DLG2: variants seen among roughly 807,000 people sequenced by gnomAD.
The protein encoded by DLG2 is discs large MAGUK scaffold protein 2, also known as disks large homolog 2.
DLG2 carries 45 observed loss-of-function variants against 132.5 expected under a neutral mutation model. That is an observed-to-expected ratio of 0.34 (90% CI 0.27 to 0.44). The LOEUF is 0.44. Among genes scored for constraint, DLG2 ranks in the 20% least tolerant of loss-of-function variants. The pLI is 1.00. For missense variants in DLG2, 1,045 were observed against 1,196.9 expected (o/e 0.87, Z 1.87); for synonymous variants, 424 against 419.6 (o/e 1.01, Z -0.13).
intron 3 of DLG2, among the ~76,000 whole-genome samples, chr11:85,422,602 T>C (rs2090408376): frequency 6.6e-6 from 1 of 152,116 alleles, no homozygotes; most frequent in African/African-American, 2.4e-5. Context: ...ATGATTCTCT[T>C]GCCTCAGCCT....
At chr11:84,187,879 A>T (rs1463845709) in intron 8 of DLG2, among the ~76,000 whole-genome samples, 1 of 152,102 alleles carries the variant, frequency 6.6e-6, no homozygotes, top group African/African-American at 2.4e-5. Flanking sequence ...GCTCAGCATA[A>T]GGGAAATTAC....
At chr11:85,378,939 G>C (rs867480084) in intron 3 of DLG2, among the ~76,000 whole-genome samples, 3 of 151,940 alleles carry the variant, frequency 2.0e-5, no homozygotes, top group Middle Eastern at 3.2e-3. Flanking sequence ...TTCAAGTTAC[G>C]AGCTCTAATT....
intron 6 of DLG2, among the ~76,000 whole-genome samples, chr11:85,039,628 T>C (rs1320692161): frequency 6.6e-6 from 1 of 151,904 alleles, no homozygotes; most frequent in Non-Finnish European, 1.5e-5. Flanking sequence ...ACTATATTAA[T>C]GTTAACCATG....
At chr11:84,434,313 C>G (rs1279662714) in intron 7 of DLG2, among the ~76,000 whole-genome samples, 1 of 152,020 alleles carries the variant, frequency 6.6e-6, no homozygotes, top group Admixed American at 6.6e-5. Context: ...AACATTATCA[C>G]TTTGAAATTC....
At chr11:84,097,778 C>T (rs1431131537) in intron 10 of DLG2, among the ~76,000 whole-genome samples, 2 of 152,148 alleles carry the variant, frequency 1.3e-5, no homozygotes, top group Admixed American at 1.3e-4. Flanking sequence ...GGATTTACAA[C>T]CTAGCAGGGG....
chr11:84,408,565 TG>T (rs1330118644), intron 7 of DLG2, among the ~76,000 whole-genome samples: 3 of 152,268 alleles, frequency 2.0e-5, no homozygotes, highest in African/African-American at 7.2e-5. Flanking sequence ...GTTATGGCTA[TG>T]TGCACAAATA....
chr11:84,777,491 T>C (rs548999505), intron 6 of DLG2, among the ~76,000 whole-genome samples: 1 of 151,300 alleles, frequency 6.6e-6, no homozygotes, highest in Non-Finnish European at 1.5e-5. Context: ...TATCTAATAG[T>C]AGCTGTTTTT....
intron 4 of DLG2, among the ~76,000 whole-genome samples, chr11:85,166,805 G>T (rs1009321523): frequency 1.3e-5 from 2 of 152,076 alleles, no homozygotes; most frequent in African/African-American, 4.8e-5. Context: ...GTTTAATTAT[G>T]CAGTGTTTAT....
At chr11:85,607,366 A>G (rs768391939) in intron 2 of DLG2, among the ~76,000 whole-genome samples, 2 of 152,208 alleles carry the variant, frequency 1.3e-5, no homozygotes, top group Non-Finnish European at 2.9e-5. Context: ...ATTCAACTCC[A>G]GGGTCCCGAC....
chr11:84,331,930 T>G (rs1335319086), intron 7 of DLG2, among the ~76,000 whole-genome samples: 5 of 152,182 alleles, frequency 3.3e-5, no homozygotes. Flanking sequence ...GCCCAGGAAC[T>G]GACACTGAAA....
intron 15 of DLG2, among the ~76,000 whole-genome samples, chr11:83,922,215 A>G (rs1243234482): frequency 6.6e-6 from 1 of 152,172 alleles, no homozygotes; most frequent in Non-Finnish European, 1.5e-5. Flanking sequence ...CTATTGAGAC[A>G]ATGCATTAAT....
rs188975679 is a variant in DLG2, at chr11:83,463,267, A to C, written c.2730-1174T>G. ...AAAGAGGCTATTTGGAAAAAAAAAA[A>C]ACAATATATTGACATTAGACATTAA... is the stretch of plus-strand genomic sequence containing the variant. On this transcript the variant is annotated intron_variant, in intron 26 of 27. Coordinates refer to ENST00000376104, the MANE Select transcript of DLG2 (RefSeq NM_001142699.3). 4.1e-4 allele frequency among the ~76,000 whole-genome samples: 63 copies of C among 152,124 alleles called. 1 individual carries two copies. The highest frequency in any genetic ancestry group is 1.9e-4 in the Non-Finnish European group (13 of 67,980).
chr11:84,043,849 G>A (rs1236012354), intron 11 of DLG2, among the ~76,000 whole-genome samples: 1 of 151,324 alleles, frequency 6.6e-6, no homozygotes, highest in Non-Finnish European at 1.5e-5. Context: ...GGTTCCCTGG[G>A]CTTCAATCTT....
chr11:84,481,018 T>G (rs1239938349), intron 7 of DLG2, among the ~76,000 whole-genome samples: 4 of 152,004 alleles, frequency 2.6e-5, no homozygotes, highest in African/African-American at 9.7e-5. Context: ...GGATTACAGG[T>G]GTGAGCCACT....
At chr11:84,921,977 T>C (rs1187604175) in intron 6 of DLG2, among the ~76,000 whole-genome samples, 2 of 152,154 alleles carry the variant, frequency 1.3e-5, no homozygotes, top group Non-Finnish European at 2.9e-5. Context: ...CGGGTTGTAG[T>C]TGTAAAAGAA....
intron 21 of DLG2, among the ~76,000 whole-genome samples, chr11:83,530,082 C>T (rs917373697): frequency 6.8e-6 from 1 of 147,644 alleles, no homozygotes; most frequent in African/African-American, 2.7e-5. Context: ...CCAACTCTAT[C>T]TGTCTGTCTG....
At chr11:85,372,556 G>C (rs1565393771) in intron 3 of DLG2, among the ~76,000 whole-genome samples, 1 of 152,250 alleles carries the variant, frequency 6.6e-6, no homozygotes, top group South Asian at 2.1e-4. Context: ...GTGCAGGTGA[G>C]CGTGGCTGAT....
At chr11:83,483,448 C>CTT (rs2093286956) in intron 22 of DLG2, 1 of 549,522 alleles carries the variant, frequency 1.8e-6, no homozygotes, top group Non-Finnish European at 3.2e-6. Context: ...TTTAAAAAAA[C>CTT]TTTCACCCCA....
chr11:85,246,184 C>T (rs556860158), intron 4 of DLG2, among the ~76,000 whole-genome samples: 1 of 151,632 alleles, frequency 6.6e-6, no homozygotes, highest in East Asian at 1.9e-4. Context: ...ATTTCAAATG[C>T]CTATAAAAGT....
Sources: gnomAD v4.1 joint callset for allele counts (sites outside exome capture counted in the v4.1 genomes callset) on GRCh38, gnomAD v4.1.1 for gene constraint, MANE v1.5 for transcripts, NCBI Gene and HGNC (gene_info 2026-07-23, HGNC 2026-07-21) for gene names.